BAZ2A: variants seen among roughly 807,000 people sequenced by gnomAD.
BAZ2A encodes the protein bromodomain adjacent to zinc finger domain protein 2A.
Under a neutral mutation model 199.9 loss-of-function variants are expected in BAZ2A, and 34 were observed. The observed-to-expected ratio is 0.17, with a 90% CI of 0.13 to 0.23. The LOEUF (loss-of-function observed/expected upper bound fraction) is 0.23. BAZ2A is among the 10% of genes least tolerant of loss of function. The pLI is 1.00. For synonymous variants in BAZ2A, 857 were observed against 883.9 expected (o/e 0.97, Z 0.54); for missense variants, 2,002 against 2,391.1 (o/e 0.84, Z 3.39).
In BAZ2A at chr12:56,604,915, AAAG is replaced by A. The variant is rs1272412655; in HGVS notation, c.2749-119_2749-117del. On this transcript the variant is annotated intron_variant, in intron 14 of 28. Transcript: ENST00000549884. Reference sequence around the variant, plus strand: ...ACTATGGGGGTTAAGACAGAATACGAAAGAAGACCACAAAAGAAAAGGAAAAAA... The same window carrying A: ...ACTATGGGGGTTAAGACAGAATACGAAAGACCACAAAAGAAAAGGAAAAAA... 1.4e-5 allele frequency: 20 copies of A among 1,380,178 alleles called. 1 individual carries two copies. Among genetic ancestry groups the A allele is most frequent in the Middle Eastern group, 3.8e-4 (2 of 5,260 alleles). The allele number at this position is 1,380,178 out of a possible 1,614,324, so 85.5% of individuals were successfully genotyped here.
upstream of BAZ2A, among the ~76,000 whole-genome samples, chr12:56,632,391 C>T (rs767954266): frequency 6.6e-6 from 1 of 152,182 alleles, no homozygotes; most frequent in Non-Finnish European, 1.5e-5. Context: ...GAGAATCTTC[C>T]TACCTCCTGC....
Position 56,615,388 on chromosome 12 carries a change from T to C in BAZ2A, c.356A>G (p.Tyr119Cys). Reference sequence around the variant, plus strand: ...GCCCCCAAGGATGCCGTTGAGTGGGTATTGTCCCCCCGAGAACTGGGAGAG... The same window carrying C: ...GCCCCCAAGGATGCCGTTGAGTGGGCATTGTCCCCCCGAGAACTGGGAGAG... ...PLLSQFSGGQ[Y>C]PLNGILGGSR... The change falls in exon 3 of 29, where the codon TAC becomes TGC. Residue 119 changes from tyrosine to cysteine, a missense_variant. Tyr to Cys is a radical substitution (Grantham distance 194). This residue lies in a region of BAZ2A where 641 missense variants were observed against 694.5 expected (regional missense o/e 0.92). Coordinates refer to ENST00000549884, the MANE Select transcript of BAZ2A (RefSeq NM_001300905.2). 2 of 1,612,360 alleles carry C rather than the reference T, an allele frequency of 1.2e-6. No individual in the cohort carries two copies. Among genetic ancestry groups the C allele is most frequent in the Non-Finnish European group, 1.7e-6 (2 of 1,179,504 alleles).
chr12:56,609,532 A>G (rs1950493773), intron 10 of BAZ2A, among the ~76,000 whole-genome samples: 1 of 152,214 alleles, frequency 6.6e-6, no homozygotes, highest in African/African-American at 2.4e-5. Flanking sequence ...TGGTAACAGC[A>G]ACTCAAGAAA....
At chr12:56,630,585 C>A (rs1951281502), upstream of BAZ2A, among the ~76,000 whole-genome samples, 1 of 152,362 alleles carries the variant, frequency 6.6e-6, no homozygotes, top group South Asian at 2.1e-4. Context: ...ACTTAAAAGA[C>A]TAGACCAAAC....
Position 56,597,423 on chromosome 12 carries a change from C to G in BAZ2A, c.*1195G>C, listed in dbSNP as rs565196470. 1 of 152,254 alleles carries G rather than the reference C, an allele frequency of 6.6e-6. No individual in the cohort carries two copies. The highest frequency in any genetic ancestry group is 2.4e-5 in the African/African-American group (1 of 41,300). The allele number at this position is 152,254 out of a possible 1,614,324, so 9.4% of individuals were successfully genotyped here. A position where few individuals can be genotyped will look rare whatever the true frequency, so the allele number is the denominator to read the frequency against. On this transcript the variant is annotated 3_prime_UTR_variant, in exon 29 of 29. Transcript: ENST00000549884. Reference sequence around the variant, plus strand: ...AAAATGACCAGGAGAGAGACACAGCCTTGTCTCCAGAGAAATTGTTCCTGT... The same window carrying G: ...AAAATGACCAGGAGAGAGACACAGCGTTGTCTCCAGAGAAATTGTTCCTGT...
upstream of BAZ2A, among the ~76,000 whole-genome samples, chr12:56,637,553 G>C (rs1428552024): frequency 1.3e-5 from 2 of 152,148 alleles, no homozygotes; most frequent in African/African-American, 4.8e-5. Flanking sequence ...TACACTTTCT[G>C]AAGACATGAA....
At chr12:56,609,107 T>C (rs562112179) in intron 10 of BAZ2A, among the ~76,000 whole-genome samples, 35 of 152,118 alleles carry the variant, frequency 2.3e-4, no homozygotes, top group African/African-American at 8.4e-4. Context: ...CTCAATCTCT[T>C]GACCTCACGA....
chr12:56,607,689 T>C (rs1359065459), intron 10 of BAZ2A, among the ~76,000 whole-genome samples: 1 of 152,184 alleles, frequency 6.6e-6, no homozygotes, highest in Non-Finnish European at 1.5e-5. Flanking sequence ...ACAATATTTA[T>C]TATTTTGTTT....
rs950978084 is a variant in BAZ2A at position 56,615,267 on chromosome 12, G to A, written c.477C>T (p.Asn159=). ...AATCATACAGTTCTTGTGAATCAAA[G>A]TTAAGCCCCATGGGACTCTGGGTAC... The part of the protein sequence containing the change: ...ANGTQSPMGL[N]FDSQELYDSF... The change falls in exon 3 of 29, where the codon AAC becomes AAT. Residue 159 remains asparagine, a synonymous_variant. Coordinates refer to ENST00000549884, the MANE Select transcript of BAZ2A (RefSeq NM_001300905.2). 6 of 1,613,992 alleles carry A rather than the reference G, an allele frequency of 3.7e-6. No individual in the cohort carries two copies. The highest frequency in any genetic ancestry group is 5.1e-6 in the Non-Finnish European group (6 of 1,179,894).
chr12:56,604,519 C>T, intron 15 of BAZ2A, 66 bp downstream of exon 15: 1 of 1,484,468 alleles, frequency 6.7e-7, no homozygotes, highest in Non-Finnish European at 9.1e-7. Flanking sequence ...TTCTGGAAGG[C>T]TACAAGTCCT....
chr12:56,599,175 G>A lies in BAZ2A; in HGVS notation c.5356C>T (p.Arg1786Trp), dbSNP rs1319339868. The A allele has an allele frequency of 3.1e-6, 5 of 1,612,720 alleles. No homozygotes were observed. Among genetic ancestry groups the A allele is most frequent in the South Asian group, 2.2e-5 (2 of 90,786 alleles). Residue 1786 changes from arginine to tryptophan, a missense_variant, in exon 27 of 29, where the codon CGG becomes TGG. Physicochemically the swap from Arg to Trp is moderately radical, Grantham distance 101. Around this residue, in one of 6 missense-constraint regions of BAZ2A, gnomAD observed 122 missense variants for 123.0 expected, o/e 0.99. Transcript: ENST00000549884. ...TGGTGGTTCCGCATAGAGAGTCGCC[G>A]CCGCTTGGAGGGGGAGAGCCCTTCT... ...SEEGLSPSKR[R>W]RLSMRNHHSD...
Position 56,600,294 on chromosome 12 carries a change from A to T in BAZ2A, c.4799T>A (p.Leu1600Gln), listed in dbSNP as rs1320813729. The change falls in exon 24 of 29, where the codon CTG becomes CAG. Residue 1600 changes from leucine (L) to glutamine (Q), a missense_variant. By Grantham distance (113) the Leu-to-Gln change is moderately radical (BLOSUM62 -2). Coordinates refer to ENST00000549884, the MANE Select transcript of BAZ2A (RefSeq NM_001300905.2). The part of the protein sequence containing the change: ...ALEQNVERRY[L>Q]REPLWPTHEV... The stretch of plus-strand genomic sequence containing the variant: ...ATGAGTTGGCCAGAGGGGCTCCCGC[A>T]GGTACCGCCGTTCTACATTCTGTTC... The T allele has an allele frequency of 6.2e-7, 1 of 1,613,892 alleles. No individual in the cohort carries two copies. The highest frequency in any genetic ancestry group is 8.5e-7 in the Non-Finnish European group (1 of 1,179,894).
intron 19 of BAZ2A, 49 bp downstream of exon 19, chr12:56,602,664 A>C (rs1950215240): frequency 1.3e-6 from 2 of 1,586,412 alleles, no homozygotes; most frequent in South Asian, 1.1e-5. Context: ...GAATTATTTA[A>C]TTCTTGTTTG....
chr12:56,634,414 G>A (rs1199280478), upstream of BAZ2A, among the ~76,000 whole-genome samples: 1 of 152,166 alleles, frequency 6.6e-6, no homozygotes, highest in Non-Finnish European at 1.5e-5. Flanking sequence ...GCGGTGCTGA[G>A]GTTGGACCCC....
At chr12:56,605,496 AC>A (rs922268825) in intron 13 of BAZ2A, 169 bp from the exon 14 acceptor site, 2 of 763,586 alleles carry the variant, frequency 2.6e-6, no homozygotes, top group Admixed American at 3.1e-5. Context: ...ATCTCTGCTT[AC>A]TGCAGCCTCG....
intron 3 of BAZ2A, 49 bp downstream of exon 3, chr12:56,614,965 C>G (rs943503572): frequency 7.2e-6 from 11 of 1,536,082 alleles, no homozygotes; most frequent in Non-Finnish European, 8.0e-6. Flanking sequence ...ACTATCCCCC[C>G]CGAGCTCCAT....
intron 1 of BAZ2A, among the ~76,000 whole-genome samples, chr12:56,620,288 A>G (rs569675814): frequency 6.6e-6 from 1 of 152,258 alleles, no homozygotes; most frequent in South Asian, 2.1e-4. Flanking sequence ...TAAATTAAGT[A>G]GCAGACCTAA....
intron 2 of BAZ2A, 33 bp from the exon 3 acceptor site, chr12:56,615,640 G>A: frequency 6.8e-7 from 1 of 1,478,228 alleles, no homozygotes; most frequent in African/African-American, 1.4e-5. Flanking sequence ...GTCAGTTACA[G>A]ATATGTAGGC....
At chr12:56,635,005 G>A, upstream of BAZ2A, 1 of 984,752 alleles carries the variant, frequency 1.0e-6, no homozygotes, top group Non-Finnish European at 1.2e-6. The surrounding 1 kb of genome is among the most constrained non-coding windows in gnomAD (Gnocchi z 4.1). Context: ...TGGCCGAGCC[G>A]GGCGGCGGCT....
Sources: gnomAD v4.1 joint callset for allele counts (sites outside exome capture counted in the v4.1 genomes callset) on GRCh38, gnomAD v4.1.1 for gene constraint, gnomAD v4.1.1 regional missense constraint, Gnocchi (gnomAD v3.1) non-coding constraint, MANE v1.5 for transcripts, NCBI Gene and HGNC (gene_info 2026-07-23, HGNC 2026-07-21) for gene names.